CRTC3: variants seen among roughly 807,000 people sequenced by gnomAD.
The protein encoded by CRTC3 is CREB regulated transcription coactivator 3.
A neutral mutation model predicts 74.5 loss-of-function variants in CRTC3; 26 were observed. The observed-to-expected ratio is 0.35, with a 90% CI of 0.26 to 0.48. CRTC3 has a LOEUF of 0.48. CRTC3 is among the 20% of genes least tolerant of loss of function. The pLI is 0.99. For synonymous variants in CRTC3, 377 were observed against 325.8 expected, an observed-to-expected ratio of 1.16 and a Z score of -1.69; for missense variants, 760 against 787.3, an observed-to-expected ratio of 0.97 and a Z score of 0.41.
Position 90,643,204 on chromosome 15 carries a change from T to C in CRTC3, c.*1064T>C, listed in dbSNP as rs1347695155. The C allele has an allele frequency of 8.6e-6, 2 of 232,600 alleles. No individual in the cohort carries two copies. The highest frequency in any genetic ancestry group is 4.4e-5 in the African/African-American group (2 of 45,306). The allele number at this position is 232,600 out of a possible 1,614,324, so 14.4% of individuals were successfully genotyped here. Reference sequence around the variant, plus strand: ...TGCTGGAGTGAGTGCTGCAGAACCGTGCGTGCAGCGCATGATGAATGAGTG... The same window carrying C: ...TGCTGGAGTGAGTGCTGCAGAACCGCGCGTGCAGCGCATGATGAATGAGTG... On this transcript the variant is annotated 3_prime_UTR_variant, in exon 15 of 15. Coordinates refer to ENST00000268184, the MANE Select transcript of CRTC3 (RefSeq NM_022769.5).
At chr15:90,531,601 T>C (rs2151051747) in intron 1 of CRTC3, among the ~76,000 whole-genome samples, 1 of 152,340 alleles carries the variant, frequency 6.6e-6, no homozygotes, top group East Asian at 1.9e-4. Flanking sequence ...TCTTATACCC[T>C]ATCAGCTTCA....
intron 2 of CRTC3, among the ~76,000 whole-genome samples, chr15:90,577,288 G>C (rs1448933373): frequency 6.6e-6 from 1 of 152,234 alleles, no homozygotes; most frequent in African/African-American, 2.4e-5. Context: ...AGCAGTCTGT[G>C]ATCCTGTTCT....
intron 13 of CRTC3, 154 bp from the exon 14 acceptor site, chr15:90,640,943 A>G: frequency 1.6e-6 from 1 of 627,296 alleles, no homozygotes; most frequent in Non-Finnish European, 2.9e-6. Flanking sequence ...TTGTGCATGC[A>G]TTACCATAAG....
intron 2 of CRTC3, among the ~76,000 whole-genome samples, chr15:90,551,909 A>T (rs1398495190): frequency 7.0e-6 from 1 of 142,610 alleles, no homozygotes; most frequent in Admixed American, 7.2e-5. Context: ...GCGCCCTTAC[A>T]TTACATTACA....
chr15:90,577,207 A>C lies in CRTC3; in HGVS notation c.232-16429A>C, dbSNP rs376975317. On this transcript the variant is annotated intron_variant, in intron 2 of 14. Coordinates refer to ENST00000268184, the MANE Select transcript of CRTC3 (RefSeq NM_022769.5). ...CATTATAAGTGCTGGGATTACAGGCAGGAGCCACCAGGCCCAGCCTTTGGC... is the reference window on the plus strand; with the variant it reads ...CATTATAAGTGCTGGGATTACAGGCCGGAGCCACCAGGCCCAGCCTTTGGC... 1.2e-4 allele frequency among the ~76,000 whole-genome samples: 18 copies of C among 152,284 alleles called. No individual in the cohort carries two copies. In the East Asian group the frequency reaches 2.1e-3, roughly 18 times the overall value.
chr15:90,620,021 G>A, intron 9 of CRTC3: 1 of 506,946 alleles, frequency 2.0e-6, no homozygotes, highest in Non-Finnish European at 3.5e-6. Context: ...AAGTATGTTT[G>A]AGAATCACAC....
intron 2 of CRTC3, among the ~76,000 whole-genome samples, chr15:90,554,465 A>T (rs1416226090): frequency 1.3e-5 from 2 of 152,136 alleles, no homozygotes; most frequent in African/African-American, 4.8e-5. Context: ...GGCCTCCCAA[A>T]GTGCTGGGAT....
intron 11 of CRTC3, among the ~76,000 whole-genome samples, chr15:90,631,584 C>T (rs1969039040): frequency 6.6e-6 from 1 of 151,618 alleles, no homozygotes. Context: ...AAAAATTAAC[C>T]GGGCATGGTG....
rs1968962676 is a variant in CRTC3, at chr15:90,629,527, T to C, written c.1261T>C (p.Ser421Pro). The C allele has an allele frequency of 1.3e-5, 21 of 1,613,458 alleles. No individual in the cohort carries two copies. Among genetic ancestry groups the C allele is most frequent in the Non-Finnish European group, 1.8e-5 (21 of 1,179,766 alleles). The part of the protein sequence containing the change: ...STSPLAPYPT[S>P]QMVSSDRSQL... ...CAGCCCACTGGCCCCATATCCTACC[T>C]CCCAGGTAAACACACACAGACAGAC... Residue 421 changes from serine to proline, a missense_variant, in exon 11 of 15, where the codon TCC becomes CCC. Around this residue, in one of 2 missense-constraint regions of CRTC3, gnomAD observed 652 missense variants for 635.2 expected, o/e 1.03. Coordinates refer to ENST00000268184, the MANE Select transcript of CRTC3 (RefSeq NM_022769.5).
At chr15:90,539,963 A>G (rs1322244224) in intron 1 of CRTC3, 76 bp from the exon 2 acceptor site, 2 of 1,017,728 alleles carry the variant, frequency 2.0e-6, no homozygotes, top group African/African-American at 1.6e-5. Context: ...CCGTTCCCCT[A>G]CAAAATACTA....
intron 2 of CRTC3, among the ~76,000 whole-genome samples, chr15:90,576,067 T>C (rs1789356050): frequency 6.6e-6 from 1 of 152,034 alleles, no homozygotes; most frequent in African/African-American, 2.4e-5. Context: ...GGAGAATGGA[T>C]AGATGAGGAG....
chr15:90,602,747 G>A lies in CRTC3; in HGVS notation c.413+362G>A, dbSNP rs150860206. ...TCCCAGCACTTTGGGAGGCTGAGGCGGGCAGATCACAAGGTCAGGAGATTG... is the reference window on the plus strand; with the variant it reads ...TCCCAGCACTTTGGGAGGCTGAGGCAGGCAGATCACAAGGTCAGGAGATTG... On this transcript the variant is annotated intron_variant, in intron 4 of 14. Coordinates refer to ENST00000268184, the MANE Select transcript of CRTC3 (RefSeq NM_022769.5). 4.8e-4 allele frequency among the ~76,000 whole-genome samples: 73 copies of A among 152,146 alleles called. No individual in the cohort carries two copies. In the East Asian group the frequency reaches 0.013, roughly 26 times the overall value.
At chr15:90,554,598 G>T (rs145847106) in intron 2 of CRTC3, among the ~76,000 whole-genome samples, 5 of 152,224 alleles carry the variant, frequency 3.3e-5, no homozygotes, top group Non-Finnish European at 7.3e-5. Context: ...CAACTACAGC[G>T]TAGGCTTGGG....
At position 90,638,485 on chromosome 15, in the gene CRTC3, A is replaced by C. The variant is rs1969319368; in HGVS notation, c.1306A>C (p.Thr436Pro). The C allele has an allele frequency of 1.9e-6, 3 of 1,613,928 alleles. No homozygotes were observed. Among genetic ancestry groups the C allele is most frequent in the Non-Finnish European group, 8.5e-7 (1 of 1,180,012 alleles). Reference sequence around the variant, plus strand: ...CCGAAGCCAACTTTCCTTTCTGCCCACAGAAGCTCAAGCCCAGGTGTCGCC... The same window carrying C: ...CCGAAGCCAACTTTCCTTTCTGCCCCCAGAAGCTCAAGCCCAGGTGTCGCC... ...SDRSQLSFLP[T>P]EAQAQVSPPP... Residue 436 changes from threonine (T) to proline (P), a missense_variant, in exon 12 of 15, where the codon ACA becomes CCA. Physicochemically the swap from Thr to Pro is conservative, Grantham distance 38. Transcript: ENST00000268184.
At chr15:90,594,295 G>A (rs1967868251) in intron 3 of CRTC3, 1 of 152,230 alleles carries the variant, frequency 6.6e-6, no homozygotes, top group Non-Finnish European at 1.5e-5. Flanking sequence ...ACCAAACTCT[G>A]CTGTTAAGTA....
chr15:90,591,579 G>A (rs1967802576), intron 2 of CRTC3, among the ~76,000 whole-genome samples: 1 of 152,210 alleles, frequency 6.6e-6, no homozygotes, highest in South Asian at 2.1e-4. Context: ...CACTTTGGGA[G>A]GCCAAGGTGG....
chr15:90,570,445 A>G (rs1281638753), intron 2 of CRTC3, among the ~76,000 whole-genome samples: 2 of 152,232 alleles, frequency 1.3e-5, no homozygotes, highest in Non-Finnish European at 2.9e-5. Flanking sequence ...GGGCATCAGT[A>G]TGAGCCCTTA....
At chr15:90,566,662 G>C (rs1267033517) in intron 2 of CRTC3, among the ~76,000 whole-genome samples, 4 of 151,622 alleles carry the variant, frequency 2.6e-5, no homozygotes, top group Non-Finnish European at 4.4e-5. Flanking sequence ...TCTGGCTGAG[G>C]TCATTGCTGA....
At chr15:90,532,853 G>C (rs1170731193) in intron 1 of CRTC3, among the ~76,000 whole-genome samples, 1 of 152,032 alleles carries the variant, frequency 6.6e-6, no homozygotes, top group Non-Finnish European at 1.5e-5. Context: ...TTGGGAGGCT[G>C]AGGCGGGCAG....
Sources: allele counts gnomAD v4.1 joint callset (sites outside exome capture counted in the v4.1 genomes callset), GRCh38; gene constraint gnomAD v4.1.1; regional missense constraint gnomAD v4.1.1; transcripts MANE v1.5; gene names NCBI Gene and HGNC (gene_info 2026-07-23, HGNC 2026-07-21).